Variants in ATP2C2 observed in about 807,000 individuals in gnomAD.
The protein encoded by ATP2C2 is calcium-transporting ATPase type 2C member 2.
In ATP2C2, 171 loss-of-function variants were observed where a neutral mutation model predicts 110.8. That is an observed-to-expected ratio of 1.54 (90% CI 1.36 to 1.75). The LOEUF is 1.75. Ranked by LOEUF, ATP2C2 falls within the 40% of genes most tolerant of loss-of-function variation. ATP2C2 has a pLI of 0.00. For synonymous variants in ATP2C2, 804 were observed against 508.4 expected (o/e 1.58, Z -7.82); for missense variants, 1,963 against 1,235.0 (o/e 1.59, Z -8.84).
chr16:84,418,494 T>C (rs1460961355), intron 7 of ATP2C2, among the ~76,000 whole-genome samples: 1 of 152,218 alleles, frequency 6.6e-6, no homozygotes, highest in Non-Finnish European at 1.5e-5. Flanking sequence ...CGAATATTTT[T>C]CAGTATAACA....
intron 1 of ATP2C2, among the ~76,000 whole-genome samples, chr16:84,381,113 G>A (rs1213200828): frequency 6.6e-6 from 1 of 152,202 alleles, no homozygotes; most frequent in Non-Finnish European, 1.5e-5. Context: ...AGTCGGCAAA[G>A]GGTGGTGGAT....
At chr16:84,390,064 G>T (rs897079387) in intron 1 of ATP2C2, among the ~76,000 whole-genome samples, 1 of 152,204 alleles carries the variant, frequency 6.6e-6, no homozygotes, top group Non-Finnish European at 1.5e-5. Flanking sequence ...GACCCCGGCT[G>T]TTATACCCTT....
In ATP2C2 at chr16:84,392,950, C is replaced by T. The variant is rs867510876; in HGVS notation, c.100-5549C>T. ...GCAACTCAGGAGATGTGTTTGGCTG[C>T]CTGACAGCGTAGGTGCATCATGGCT... is the stretch of plus-strand genomic sequence containing the variant. On this transcript the variant is annotated intron_variant, in intron 1 of 26. Coordinates refer to ENST00000262429, the MANE Select transcript of ATP2C2 (RefSeq NM_014861.4). 1.1e-4 allele frequency among the ~76,000 whole-genome samples: 16 copies of T among 152,284 alleles called. No individual in the cohort carries two copies. The South Asian group carries it at 3.1e-3, about 30-fold the overall frequency.
chr16:84,386,673 G>C (rs1179018061), intron 1 of ATP2C2, among the ~76,000 whole-genome samples: 1 of 152,160 alleles, frequency 6.6e-6, no homozygotes, highest in Non-Finnish European at 1.5e-5. Context: ...TCAGGGGCTG[G>C]AAAACATCTC....
At chr16:84,393,393 G>C (rs1306482023) in intron 1 of ATP2C2, among the ~76,000 whole-genome samples, 2 of 152,172 alleles carry the variant, frequency 1.3e-5, no homozygotes, top group African/African-American at 4.8e-5. Context: ...CAGGGACTCT[G>C]TTTCCTGACT....
intron 26 of ATP2C2, 96 bp downstream of exon 26, chr16:84,462,225 G>A: frequency 2.7e-6 from 4 of 1,496,046 alleles, no homozygotes; most frequent in African/African-American, 1.4e-5. Context: ...AGGGGTCAGT[G>A]CGGGAAAGCA....
intron 3 of ATP2C2, chr16:84,406,649 G>A (rs1905795024): frequency 8.1e-6 from 8 of 985,412 alleles, no homozygotes; most frequent in Non-Finnish European, 9.6e-6. Context: ...TAGGCTTCTG[G>A]GTATGTAGGT....
chr16:84,440,508 C>A (rs1205397031), intron 13 of ATP2C2, among the ~76,000 whole-genome samples: 1 of 152,210 alleles, frequency 6.6e-6, no homozygotes, highest in East Asian at 1.9e-4. Flanking sequence ...GCTGAGTAGC[C>A]ACGACAAAGG....
At chr16:84,433,651 C>CAAAA (rs1388500888) in intron 11 of ATP2C2, among the ~76,000 whole-genome samples, 1 of 148,934 alleles carries the variant, frequency 6.7e-6, no homozygotes, top group Non-Finnish European at 1.5e-5. Flanking sequence ...GACTCCGTCT[C>CAAAA]AAAAACAAAA....
rs769119059 is a variant in ATP2C2 at position 84,462,047 on chromosome 16, G to A, written c.2640G>A (p.Leu880=). Residue 880 remains leucine (L), a synonymous_variant, in exon 26 of 27, where the codon CTG becomes CTA. Coordinates refer to ENST00000262429, the MANE Select transcript of ATP2C2 (RefSeq NM_014861.4). ...ACCACATGTTCCTCTACTCCGTCCT[G>A]GGGTCCATCCTGGGGCAGCTGGCGG... is the stretch of plus-strand genomic sequence containing the variant. ...LRNHMFLYSV[L]GSILGQLAVI... is the part of the protein sequence containing the mutation. The A allele has an allele frequency of 6.2e-7, 1 of 1,614,096 alleles. No homozygotes were observed. The highest frequency in any genetic ancestry group is 1.3e-5 in the African/African-American group (1 of 75,040).
At chr16:84,414,848 C>T (rs1015922916) in intron 6 of ATP2C2, among the ~76,000 whole-genome samples, 3 of 151,956 alleles carry the variant, frequency 2.0e-5, no homozygotes, top group African/African-American at 4.8e-5. Flanking sequence ...GGAAAGCCAT[C>T]GGAGGGTTTG....
chr16:84,374,624 TG>T, intron 1 of ATP2C2, among the ~76,000 whole-genome samples: 1 of 152,146 alleles, frequency 6.6e-6, no homozygotes, highest in East Asian at 1.9e-4. Context: ...GTGTGTTAAA[TG>T]GTTGCTGCTT....
In ATP2C2 at chr16:84,410,761, A is replaced by T; in HGVS notation, c.511A>T (p.Asn171Tyr). 6.2e-7 allele frequency: 1 copy of T among 1,614,034 alleles called. No homozygotes were observed. Among genetic ancestry groups the T allele is most frequent in the South Asian group, 1.1e-5 (1 of 91,080 alleles). ...ELTKLVPPECNCLREGKLQHL... is the reference protein window; with the variant it reads ...ELTKLVPPECYCLREGKLQHL... Reference sequence around the variant, plus strand: ...GACCAAGCTGGTTCCTCCAGAATGTAACTGGTAAGTCAGAGCCTCCCTGGG... The same window carrying T: ...GACCAAGCTGGTTCCTCCAGAATGTTACTGGTAAGTCAGAGCCTCCCTGGG... Residue 171 changes from asparagine (N) to tyrosine (Y), a missense_variant, in exon 6 of 27, where the codon AAC (asparagine) becomes TAC (tyrosine). By Grantham distance (143) the Asn-to-Tyr change is moderately radical. Transcript: ENST00000262429.
intron 1 of ATP2C2, among the ~76,000 whole-genome samples, chr16:84,382,771 C>T (rs1910658858): frequency 6.6e-6 from 1 of 152,140 alleles, no homozygotes; most frequent in Non-Finnish European, 1.5e-5. Context: ...TGGCGGGTGC[C>T]TGTAATCCCA....
intron 1 of ATP2C2, among the ~76,000 whole-genome samples, chr16:84,391,701 C>G (rs1016153419): frequency 1.3e-5 from 2 of 152,134 alleles, no homozygotes; most frequent in African/African-American, 4.8e-5. Flanking sequence ...GGAACGTGGC[C>G]CTGCCAGCAT....
At chr16:84,412,053 A>G (rs247821) in intron 6 of ATP2C2, among the ~76,000 whole-genome samples, 15,954 of 145,350 alleles carry the variant, frequency 0.11, 1,170 homozygotes, top group Non-Finnish European at 0.16. Flanking sequence ...TCTGTTGCCT[A>G]GGCTAGAGTG....
chr16:84,412,850 C>G (rs1038064123), intron 6 of ATP2C2, among the ~76,000 whole-genome samples: 1 of 152,000 alleles, frequency 6.6e-6, no homozygotes, highest in South Asian at 2.1e-4. Flanking sequence ...AATCCCAGCA[C>G]TTTGGGAGGC....
At chr16:84,421,331 C>G (rs1367301588) in intron 7 of ATP2C2, among the ~76,000 whole-genome samples, 1 of 152,268 alleles carries the variant, frequency 6.6e-6, no homozygotes, top group African/African-American at 2.4e-5. Flanking sequence ...CGGGCATTAC[C>G]TGGGTGACAG....
rs1290495978 is a variant in ATP2C2 at position 84,448,660 on chromosome 16, A to G, written c.1631A>G (p.Glu544Gly). ...CAGAGGTCATTCTGCCTGCAGGAAG[A>G]GAAGAGGATGGGGTCGCTCGGTTTG... is the stretch of plus-strand genomic sequence containing the variant. ...PQQRSFCLQE[E>G]KRMGSLGLRV... The change falls in exon 17 of 27, where the codon GAG becomes GGG. Residue 544 changes from glutamate to glycine, a missense_variant. Transcript: ENST00000262429. 1 of 1,613,872 alleles carries G rather than the reference A, an allele frequency of 6.2e-7. No homozygotes were observed. The highest frequency in any genetic ancestry group is 1.1e-5 in the South Asian group (1 of 91,018).
Sources: allele counts gnomAD v4.1 joint callset (sites outside exome capture counted in the v4.1 genomes callset), GRCh38; gene constraint gnomAD v4.1.1; transcripts MANE v1.5; gene names NCBI Gene and HGNC (gene_info 2026-07-23, HGNC 2026-07-21).